KIAA1549: variants seen among roughly 807,000 people sequenced by gnomAD.
The protein encoded by KIAA1549 is KIAA1549, also known as UPF0606 protein KIAA1549.
A neutral mutation model predicts 156.4 loss-of-function variants in KIAA1549; 70 were observed. The ratio of observed to expected loss-of-function variants is 0.45; its 90% CI spans 0.37 to 0.55. The LOEUF (loss-of-function observed/expected upper bound fraction) is 0.55, where lower values mean the gene tolerates loss of function less well. Among genes scored for constraint, KIAA1549 ranks in the 20% least tolerant of loss-of-function variants. KIAA1549 has a pLI of 0.00. For synonymous variants in KIAA1549, 1,103 were observed against 1,066.4 expected, an observed-to-expected ratio of 1.03 and a Z score of -0.67; for missense variants, 2,428 against 2,540.9, an observed-to-expected ratio of 0.96 and a Z score of 0.96.
intron 1 of KIAA1549, among the ~76,000 whole-genome samples, chr7:138,931,490 G>A (rs542174532): frequency 3.7e-4 from 57 of 152,250 alleles, no homozygotes; most frequent in African/African-American, 1.2e-3. Flanking sequence ...GGTGGCTCAC[G>A]CCTGTAATCC....
At chr7:138,953,735 C>T (rs1290600022) in intron 1 of KIAA1549, among the ~76,000 whole-genome samples, 1 of 152,124 alleles carries the variant, frequency 6.6e-6, no homozygotes, top group East Asian at 1.9e-4. Context: ...CCTTTTCTTG[C>T]CATGTTTATA....
intron 1 of KIAA1549, among the ~76,000 whole-genome samples, chr7:138,933,152 C>T (rs567064241): frequency 6.3e-4 from 96 of 152,230 alleles, no homozygotes; most frequent in Admixed American, 1.6e-3. Flanking sequence ...AGGAGCTCCA[C>T]GCAGTCAACT....
intron 6 of KIAA1549, among the ~76,000 whole-genome samples, chr7:138,906,163 G>A (rs1812000170): frequency 6.6e-6 from 1 of 152,166 alleles, no homozygotes; most frequent in Non-Finnish European, 1.5e-5. Context: ...TTATATTCTG[G>A]CACTCAAATC....
chr7:138,980,746 A>G (rs1814520418), intron 1 of KIAA1549, among the ~76,000 whole-genome samples: 1 of 152,214 alleles, frequency 6.6e-6, no homozygotes, highest in South Asian at 2.1e-4. Flanking sequence ...CAGCCTTGAC[A>G]AAAAAGCACG....
chr7:138,910,397 C>CTTTT (rs200459041), intron 4 of KIAA1549, among the ~76,000 whole-genome samples: 4 of 131,014 alleles, frequency 3.1e-5, no homozygotes, highest in Non-Finnish European at 4.8e-5. Flanking sequence ...TTCTTAAATT[C>CTTTT]TTTTTTTTTT....
At chr7:138,944,090 T>G (rs1813274290) in intron 1 of KIAA1549, among the ~76,000 whole-genome samples, 1 of 149,110 alleles carries the variant, frequency 6.7e-6, no homozygotes, top group African/African-American at 2.5e-5. Flanking sequence ...TTTTTTTTTG[T>G]CTATGGCCCC....
chr7:138,902,700 T>G (rs1811875708), intron 8 of KIAA1549, among the ~76,000 whole-genome samples: 1 of 152,134 alleles, frequency 6.6e-6, no homozygotes, highest in Non-Finnish European at 1.5e-5. Context: ...TACCAGCTAC[T>G]CAGGAGGCTG....
At chr7:138,846,530 T>C (rs1810078408) in intron 17 of KIAA1549, among the ~76,000 whole-genome samples, 2 of 73,954 alleles carry the variant, frequency 2.7e-5, no homozygotes, top group South Asian at 1.2e-3. Flanking sequence ...CAAGACTCCA[T>C]CTCAAAAAAA....
intron 12 of KIAA1549, among the ~76,000 whole-genome samples, chr7:138,871,672 A>T (rs1388937346): frequency 6.6e-6 from 1 of 152,262 alleles, no homozygotes; most frequent in Admixed American, 6.5e-5. Flanking sequence ...GAAAGAATAT[A>T]GGACAGAAGG....
At position 138,918,979 on chromosome 7, in the gene KIAA1549, G is replaced by A. The variant is rs145518942; in HGVS notation, c.647C>T (p.Thr216Met). ...CTCAGCATATGCCGCTGGTTGTCGC[G>A]TTGTGTTCTGCCAGCCCGATGTCAC... ...EEVTSGWQNTTRQPAAYAESA... is the reference protein window; with the variant it reads ...EEVTSGWQNTMRQPAAYAESA... Residue 216 changes from threonine (T) to methionine (M), a missense_variant, in exon 2 of 20, where the codon ACG becomes ATG. By Grantham distance (81) the Thr-to-Met change is moderately conservative. This residue lies in a region of KIAA1549 where 893 missense variants were observed against 847.9 expected (regional missense o/e 1.05). Coordinates refer to ENST00000422774, the MANE Select transcript of KIAA1549 (RefSeq NM_001164665.2). The surrounding 1 kb of genome is among the most constrained non-coding windows in gnomAD (Gnocchi z 4.2). 170 of 1,614,016 alleles carry A rather than the reference G, an allele frequency of 1.1e-4. No individual in the cohort carries two copies. Among genetic ancestry groups the A allele is most frequent in the East Asian group, 2.9e-4 (13 of 44,880 alleles).
chr7:138,841,094 T>C (rs943103986), intron 18 of KIAA1549, among the ~76,000 whole-genome samples: 1 of 152,158 alleles, frequency 6.6e-6, no homozygotes, highest in African/African-American at 2.4e-5. Flanking sequence ...CAGAAGGTAC[T>C]TCCATTCATC....
intron 1 of KIAA1549, among the ~76,000 whole-genome samples, chr7:138,937,434 G>A (rs546366926): frequency 3.3e-5 from 5 of 152,276 alleles, no homozygotes; most frequent in African/African-American, 7.2e-5. Flanking sequence ...AACACCTACC[G>A]GTCATGTGAG....
chr7:138,936,725 AC>A (rs139640080), intron 1 of KIAA1549, among the ~76,000 whole-genome samples: 2,615 of 135,964 alleles, frequency 0.019, 72 homozygotes, highest in African/African-American at 0.064. Context: ...GAGATGTGTG[AC>A]CCCCCCCACC....
At chr7:138,948,802 C>G (rs985215282) in intron 1 of KIAA1549, among the ~76,000 whole-genome samples, 2 of 151,686 alleles carry the variant, frequency 1.3e-5, no homozygotes. Context: ...AAGTGATTCT[C>G]CCACCTCAGC....
chr7:138,916,607 A>G, intron 2 of KIAA1549, 141 bp downstream of exon 2: 8 of 1,333,842 alleles, frequency 6.0e-6, no homozygotes, highest in Non-Finnish European at 8.0e-6. Flanking sequence ...GCAGGAGGTA[A>G]GCATAGGAGT....
intron 1 of KIAA1549, among the ~76,000 whole-genome samples, chr7:138,973,914 G>T (rs1814296644): frequency 6.6e-6 from 1 of 152,318 alleles, no homozygotes; most frequent in East Asian, 1.9e-4. Context: ...AAAGTGCTAG[G>T]AACACAGGCG....
chr7:138,973,066 C>T (rs1814267414), intron 1 of KIAA1549, among the ~76,000 whole-genome samples: 2 of 152,306 alleles, frequency 1.3e-5, no homozygotes, highest in Admixed American at 1.3e-4. Flanking sequence ...AAGTGAACTG[C>T]CTGCCTGGGC....
At chr7:138,945,350 G>A (rs1229928391) in intron 1 of KIAA1549, among the ~76,000 whole-genome samples, 1 of 152,176 alleles carries the variant, frequency 6.6e-6, no homozygotes, top group African/African-American at 2.4e-5. Flanking sequence ...CTTGAAAGGA[G>A]GGTGTTAATC....
At chr7:138,883,445 T>TGAGATTAGG (rs1275107566) in intron 10 of KIAA1549, among the ~76,000 whole-genome samples, 1 of 151,520 alleles carries the variant, frequency 6.6e-6, no homozygotes, top group Non-Finnish European at 1.5e-5. Flanking sequence ...CCCAAGTAGC[T>TGAGATTAGG]GAGATTAAGG....
Sources: allele counts gnomAD v4.1 joint callset (sites outside exome capture counted in the v4.1 genomes callset), GRCh38; gene constraint gnomAD v4.1.1; regional missense constraint gnomAD v4.1.1; non-coding constraint Gnocchi (gnomAD v3.1); transcripts MANE v1.5; gene names NCBI Gene and HGNC (gene_info 2026-07-23, HGNC 2026-07-21).